MTHFD2: variants seen among roughly 807,000 people sequenced by gnomAD.
MTHFD2 encodes methylenetetrahydrofolate dehydrogenase (NADP+ dependent) 2, methenyltetrahydrofolate cyclohydrolase, also known as bifunctional methylenetetrahydrofolate dehydrogenase/cyclohydrolase, mitochondrial.
A neutral mutation model predicts 36.8 loss-of-function variants in MTHFD2; 26 were observed. That is an observed-to-expected ratio of 0.71 (90% confidence interval 0.52 to 0.98). MTHFD2 has a LOEUF of 0.98. Among genes scored for constraint, MTHFD2 ranks in the 50% least tolerant of loss-of-function variants. MTHFD2 has a pLI of 0.00. For synonymous variants in MTHFD2, 164 were observed against 155.2 expected, an observed-to-expected ratio of 1.06 and a Z score of -0.42; for missense variants, 373 against 434.0, an observed-to-expected ratio of 0.86 and a Z score of 1.25.
chr2:74,207,426 C>T (rs532814049), intron 2 of MTHFD2, among the ~76,000 whole-genome samples: 1 of 152,294 alleles, frequency 6.6e-6, no homozygotes, highest in South Asian at 2.1e-4. Flanking sequence ...CTGTGCCTGG[C>T]CTAGCTCGCT....
At chr2:74,199,498 C>G (rs780046128) in intron 1 of MTHFD2, among the ~76,000 whole-genome samples, 2 of 152,140 alleles carry the variant, frequency 1.3e-5, no homozygotes, top group Admixed American at 6.5e-5. Flanking sequence ...ATGAAGAGTT[C>G]TGAAGATGGA....
intron 1 of MTHFD2, among the ~76,000 whole-genome samples, chr2:74,203,886 GT>G (rs752734918): frequency 4.6e-3 from 149 of 32,306 alleles, no homozygotes; most frequent in African/African-American, 0.029. Context: ...GTTTAGTTTA[GT>G]TTAGTTTAGT....
intron 5 of MTHFD2, among the ~76,000 whole-genome samples, 194 bp downstream of exon 5, chr2:74,210,243 T>G (rs894256083): frequency 3.3e-5 from 5 of 152,268 alleles, no homozygotes; most frequent in Admixed American, 6.5e-5. Flanking sequence ...TTATTATTCA[T>G]TTATCATGTA....
At chr2:74,210,172 AACAG>A (rs1191125596) in intron 5 of MTHFD2, 123 bp downstream of exon 5, 1 of 699,790 alleles carries the variant, frequency 1.4e-6, no homozygotes, top group Non-Finnish European at 2.2e-6. Context: ...AAATTTTGTT[AACAG>A]ACAATTCAGG....
intron 6 of MTHFD2, 66 bp downstream of exon 6, chr2:74,211,357 T>G (rs1467543413): frequency 1.9e-6 from 2 of 1,027,614 alleles, no homozygotes; most frequent in African/African-American, 1.6e-5. Context: ...CCCCTCATCT[T>G]AGAATTCGCC....
intron 1 of MTHFD2, among the ~76,000 whole-genome samples, chr2:74,199,026 C>T (rs1417368099): frequency 1.3e-5 from 2 of 152,172 alleles, no homozygotes; most frequent in Non-Finnish European, 1.5e-5. Flanking sequence ...GGCCAGTCGG[C>T]GGGCGGGACG....
chr2:74,208,742 C>G, intron 4 of MTHFD2, 21 bp downstream of exon 4: 2 of 1,610,792 alleles, frequency 1.2e-6, no homozygotes, highest in South Asian at 1.1e-5. Flanking sequence ...CCCAGAATTG[C>G]ATGTCTGTGT....
rs750446651 is a variant in MTHFD2 at position 74,198,682 on chromosome 2, T to A, written c.41T>A (p.Leu14Gln). The change falls in exon 1 of 8, where the codon CTG becomes CAG. Residue 14 changes from leucine (L) to glutamine (Q), a missense_variant. Physicochemically the swap from Leu to Gln is moderately radical, Grantham distance 113. This residue lies in a region of MTHFD2 where 65 missense variants were observed against 36.1 expected (regional missense o/e 1.80). Transcript: ENST00000394053. ...TSLMSALAAR[L>Q]LQPAHSCSLR... is the part of the protein sequence containing the mutation. The stretch of plus-strand genomic sequence containing the variant: ...CTAATGTCTGCTTTGGCTGCCCGGC[T>A]GCTGCAGCCCGCGCACAGCTGCTCC... 6.2e-7 allele frequency: 1 copy of A among 1,611,400 alleles called. No homozygotes were observed. The highest frequency in any genetic ancestry group is 1.7e-5 in the Admixed American group (1 of 59,936).
intron 1 of MTHFD2, among the ~76,000 whole-genome samples, chr2:74,200,518 A>G (rs1028010375): frequency 3.3e-5 from 5 of 150,256 alleles, no homozygotes; most frequent in Non-Finnish European, 7.4e-5. Context: ...AAAAAGTTGT[A>G]TCCTTTTAAA....
At chr2:74,211,143 C>T in intron 5 of MTHFD2, 56 bp from the exon 6 acceptor site, 1 of 1,175,640 alleles carries the variant, frequency 8.5e-7, no homozygotes. Flanking sequence ...TAGTTGAGAC[C>T]TAATCCAATC....
rs376752504 is a variant in MTHFD2, at chr2:74,214,246, C to G, written c.*4C>G. ...GCTTGGGGTAGCCACTAATTAACTA[C>G]TGTGTCTTCTGTGTCACAAACAGCA... On this transcript the variant is annotated 3_prime_UTR_variant, in exon 8 of 8. Coordinates refer to ENST00000394053, the MANE Select transcript of MTHFD2 (RefSeq NM_006636.4). 8 of 1,612,800 alleles carry G rather than the reference C, an allele frequency of 5.0e-6. No homozygotes were observed. The highest frequency in any genetic ancestry group is 1.1e-5 in the South Asian group (1 of 90,920).
rs1483724726 is a variant in MTHFD2, at chr2:74,198,690, C to A, written c.49C>A (p.Pro17Thr). 2 of 1,611,460 alleles carry A rather than the reference C, an allele frequency of 1.2e-6. No individual in the cohort carries two copies. Residue 17 changes from proline to threonine, a missense_variant, in exon 1 of 8, where the codon CCC (proline) becomes ACC (threonine). Physicochemically the swap from Pro to Thr is conservative, Grantham distance 38. Coordinates refer to ENST00000394053, the MANE Select transcript of MTHFD2 (RefSeq NM_006636.4). ...MSALAARLLQ[P>T]AHSCSLRLRP... ...TGCTTTGGCTGCCCGGCTGCTGCAG[C>A]CCGCGCACAGCTGCTCCCTTCGCCT...
rs1378343039 is a variant in MTHFD2 at position 74,210,006 on chromosome 2, T to A, written c.627T>A (p.Ile209=). 2.5e-6 allele frequency: 4 copies of A among 1,613,912 alleles called. No homozygotes were observed. The South Asian group carries it at 4.4e-5, about 18-fold the overall frequency. The change falls in exon 5 of 8, where the codon ATT becomes ATA. Residue 209 remains isoleucine, a synonymous_variant. Coordinates refer to ENST00000394053, the MANE Select transcript of MTHFD2 (RefSeq NM_006636.4). The part of the protein sequence containing the change: ...AGRSKNVGMP[I]AMLLHTDGAH... ...GGTCAAAAAACGTTGGAATGCCCAT[T>A]GCAATGTTACTGCACACAGATGGGG...
chr2:74,212,124 GC>G (rs1373651284), intron 7 of MTHFD2, among the ~76,000 whole-genome samples: 1 of 148,608 alleles, frequency 6.7e-6, no homozygotes. Context: ...GAGCCACTGC[GC>G]CCAGTCAGTA....
chr2:74,198,936 C>T (rs1693971729), intron 1 of MTHFD2, among the ~76,000 whole-genome samples, 194 bp downstream of exon 1: 5 of 152,154 alleles, frequency 3.3e-5, no homozygotes, highest in Admixed American at 3.3e-4. Flanking sequence ...GGCGCTTCCT[C>T]GGCGCGGAGG....
At chr2:74,204,251 G>A (rs188508578) in intron 1 of MTHFD2, among the ~76,000 whole-genome samples, 59 of 152,230 alleles carry the variant, frequency 3.9e-4, no homozygotes, top group African/African-American at 1.4e-3. Flanking sequence ...TTTACTGTAA[G>A]GACATGTGTG....
rs1188329054 is a variant in MTHFD2, at chr2:74,216,453, A to C, written c.*2211A>C. 6.6e-6 allele frequency: 1 copy of C among 152,236 alleles called. No homozygotes were observed. The highest frequency in any genetic ancestry group is 1.9e-4 in the East Asian group (1 of 5,204). 9.4% of individuals were successfully genotyped at this position (152,236 alleles called of 1,614,324 possible). On this transcript the variant is annotated 3_prime_UTR_variant, in exon 8 of 8. Coordinates refer to ENST00000394053, the MANE Select transcript of MTHFD2 (RefSeq NM_006636.4). ...AGTAGTTTTCCAGCTTGTTTGATTA[A>C]TCAAGCAGGTTTACTCTTGAATCCA...
At chr2:74,204,983 G>A (rs1458899499) in intron 1 of MTHFD2, among the ~76,000 whole-genome samples, 1 of 152,042 alleles carries the variant, frequency 6.6e-6, no homozygotes, top group Non-Finnish European at 1.5e-5. Flanking sequence ...CCACCACTAC[G>A]CCCAGCTAAT....
chr2:74,208,460 G>C, intron 3 of MTHFD2, 109 bp from the exon 4 acceptor site: 2 of 1,295,384 alleles, frequency 1.5e-6, no homozygotes, highest in Non-Finnish European at 2.2e-6. Context: ...GTACATCTCA[G>C]AGGCAAGCTG....
Sources: gnomAD v4.1 joint callset for allele counts (sites outside exome capture counted in the v4.1 genomes callset) on GRCh38, gnomAD v4.1.1 for gene constraint, gnomAD v4.1.1 regional missense constraint, MANE v1.5 for transcripts, NCBI Gene and HGNC (gene_info 2026-07-23, HGNC 2026-07-21) for gene names.